The following PSEN1 variants were observed in gnomAD, a reference collection of about 807,000 sequenced individuals.
PSEN1 encodes presenilin 1, also known as presenilin-1.
Under a neutral mutation model 53.5 loss-of-function variants are expected in PSEN1, and 15 were observed. That is an observed-to-expected ratio of 0.28 (90% CI 0.19 to 0.43). PSEN1 has a LOEUF of 0.43. Ranked by LOEUF, PSEN1 falls within the 20% of genes least tolerant of loss-of-function variation. The probability of loss-of-function intolerance (pLI) is 1.00; values close to 1 mark genes in which losing one functional copy is unlikely to be tolerated. For synonymous variants in PSEN1, 208 were observed against 209.8 expected (o/e 0.99, Z 0.08); for missense variants, 387 against 571.2 (o/e 0.68, Z 3.29).
intron 1 of PSEN1, among the ~76,000 whole-genome samples, chr14:73,146,334 C>T (rs74981834): frequency 0.056 from 8,538 of 152,172 alleles, 326 homozygotes; most frequent in Non-Finnish European, 0.089. Context: ...ACTACAGATG[C>T]ATCCCACCTG....
At chr14:73,205,197 C>T (rs925419578) in intron 8 of PSEN1, among the ~76,000 whole-genome samples, 2 of 151,984 alleles carry the variant, frequency 1.3e-5, no homozygotes, top group African/African-American at 4.8e-5. Context: ...TGTGACCAGG[C>T]CGGGCGTGGT....
intron 5 of PSEN1, among the ~76,000 whole-genome samples, chr14:73,181,276 C>A (rs1351532795): frequency 6.6e-6 from 1 of 151,814 alleles, no homozygotes; most frequent in Non-Finnish European, 1.5e-5. Context: ...CCTGTCTCTA[C>A]TAAAAATACA....
intron 9 of PSEN1, among the ~76,000 whole-genome samples, chr14:73,209,747 G>C (rs1461923404): frequency 6.6e-6 from 1 of 152,238 alleles, no homozygotes; most frequent in Non-Finnish European, 1.5e-5. Context: ...TGAGGAAGTG[G>C]TAATAGGGGA....
At chr14:73,156,464 T>C (rs1897356993) in intron 3 of PSEN1, among the ~76,000 whole-genome samples, 1 of 151,962 alleles carries the variant, frequency 6.6e-6, no homozygotes, top group South Asian at 2.1e-4. Flanking sequence ...CTTTTAGAAA[T>C]ACATACTAAA....
At chr14:73,161,597 C>T (rs1897539091) in intron 3 of PSEN1, among the ~76,000 whole-genome samples, 1 of 152,200 alleles carries the variant, frequency 6.6e-6, no homozygotes, top group Non-Finnish European at 1.5e-5. Flanking sequence ...ACACCCCAGG[C>T]TCAAGCTGTC....
intron 4 of PSEN1, among the ~76,000 whole-genome samples, chr14:73,171,455 C>A (rs943151458): frequency 1.3e-5 from 2 of 152,094 alleles, no homozygotes; most frequent in African/African-American, 2.4e-5. Context: ...AAGTAGCACT[C>A]GAATATAAAA....
At chr14:73,178,456 G>A (rs1566633137) in intron 5 of PSEN1, among the ~76,000 whole-genome samples, 1 of 152,054 alleles carries the variant, frequency 6.6e-6, no homozygotes, top group South Asian at 2.1e-4. Context: ...CCAAAGTGCT[G>A]GGATTACAGA....
At chr14:73,167,213 A>G (rs1178887131) in intron 3 of PSEN1, among the ~76,000 whole-genome samples, 3 of 152,156 alleles carry the variant, frequency 2.0e-5, no homozygotes, top group African/African-American at 4.8e-5. Flanking sequence ...TTTTGTAACA[A>G]AGTCACTCCC....
At chr14:73,192,545 A>G in intron 6 of PSEN1, 99 bp from the exon 7 acceptor site, 1 of 823,172 alleles carries the variant, frequency 1.2e-6, no homozygotes. Flanking sequence ...TAAAGGTGGG[A>G]TATTAATATC....
intron 7 of PSEN1, chr14:73,197,752 TC>T (rs1462237746): frequency 2.3e-6 from 1 of 426,790 alleles, no homozygotes; most frequent in African/African-American, 2.0e-5. Context: ...GAAGACTTGT[TC>T]CTATACCCCA....
rs527304815 is a variant in PSEN1 at position 73,204,387 on chromosome 14, A to T, written c.869-1999A>T. 4.5e-4 allele frequency among the ~76,000 whole-genome samples: 61 copies of T among 135,420 alleles called. 2 individuals carry two copies. The East Asian group carries it at 0.011, about 24-fold the overall frequency. 88.8% of individuals were successfully genotyped at this position (135,420 alleles called of 152,430 possible). ...TAAGGTGAAATGAAAAGTGATTTTT[A>T]AAAAAATATTATTTTAGGACTATTT... On this transcript the variant is annotated intron_variant, in intron 8 of 11. Transcript: ENST00000324501.
At chr14:73,204,160 G>C (rs1051971112) in intron 8 of PSEN1, among the ~76,000 whole-genome samples, 1 of 151,794 alleles carries the variant, frequency 6.6e-6, no homozygotes, top group African/African-American at 2.4e-5. Flanking sequence ...CACCACACCG[G>C]GCTAATTTTG....
chr14:73,179,148 C>G (rs564592962), intron 5 of PSEN1, among the ~76,000 whole-genome samples: 133 of 152,194 alleles, frequency 8.7e-4, no homozygotes, highest in African/African-American at 3.1e-3. Flanking sequence ...AAAGTCAGGG[C>G]CAAAATGTGG....
chr14:73,146,943 C>T (rs1239295798), intron 1 of PSEN1, among the ~76,000 whole-genome samples: 1 of 151,982 alleles, frequency 6.6e-6, no homozygotes, highest in East Asian at 1.9e-4. Context: ...AATGTGGCCC[C>T]CCTAGGAGGG....
At chr14:73,205,205 G>T (rs1273234976) in intron 8 of PSEN1, among the ~76,000 whole-genome samples, 1 of 151,144 alleles carries the variant, frequency 6.6e-6, no homozygotes, top group Non-Finnish European at 1.5e-5. Flanking sequence ...GGCCGGGCGT[G>T]GTGGCTCACG....
At chr14:73,144,783 C>T (rs984367940) in intron 1 of PSEN1, among the ~76,000 whole-genome samples, 1 of 152,210 alleles carries the variant, frequency 6.6e-6, no homozygotes, top group East Asian at 1.9e-4. Context: ...AATAGTATCT[C>T]TACTAAATTT....
At chr14:73,147,921 A>T in intron 2 of PSEN1, 45 bp downstream of exon 2, 2 of 879,422 alleles carry the variant, frequency 2.3e-6, no homozygotes, top group Non-Finnish European at 1.9e-6. Flanking sequence ...TTTTTATAAC[A>T]GTATAATTGT....
At chr14:73,183,782 C>T (rs1944960362) in intron 5 of PSEN1, among the ~76,000 whole-genome samples, 1 of 151,780 alleles carries the variant, frequency 6.6e-6, no homozygotes, top group Non-Finnish European at 1.5e-5. Flanking sequence ...CCGCCATTGT[C>T]ATCCTGGCCC....
intron 7 of PSEN1, among the ~76,000 whole-genome samples, chr14:73,195,974 T>TA (rs1898923555): frequency 6.6e-6 from 1 of 152,204 alleles, no homozygotes; most frequent in African/African-American, 2.4e-5. Context: ...TTCACCGTAT[T>TA]ACAATATTTT....
Sources: allele counts gnomAD v4.1 joint callset (sites outside exome capture counted in the v4.1 genomes callset), GRCh38; gene constraint gnomAD v4.1.1; transcripts MANE v1.5; gene names NCBI Gene and HGNC (gene_info 2026-07-23, HGNC 2026-07-21).